Variants in YIPF6 observed in about 807,000 individuals in gnomAD.
The protein encoded by YIPF6 is protein YIPF6.
A neutral mutation model predicts 16.8 loss-of-function variants in YIPF6; 3 were observed. That is an observed-to-expected ratio of 0.18 (90% confidence interval 0.08 to 0.46). The LOEUF (loss-of-function observed/expected upper bound fraction) is 0.46. Ranked by LOEUF, YIPF6 falls within the 20% of genes least tolerant of loss-of-function variation. YIPF6 has a pLI of 0.98. For missense variants in YIPF6, 145 were observed against 184.9 expected (o/e 0.78, Z 1.25); for synonymous variants, 67 against 61.9 (o/e 1.08, Z -0.38).
At chrX:68,521,006 A>G (rs935484487) in intron 4 of YIPF6, among the ~76,000 whole-genome samples, 1 of 111,716 alleles carries the variant, frequency 9.0e-6, no homozygotes, top group African/African-American at 3.3e-5. Flanking sequence ...ATGTGAAATA[A>G]AATAGTGTCA....
chrX:68,523,173 A>G (rs1455408116), intron 6 of YIPF6, among the ~76,000 whole-genome samples: 2 of 110,238 alleles, frequency 1.8e-5, no homozygotes, highest in African/African-American at 3.3e-5. Context: ...AGTGGATTAC[A>G]CTACATTTAG....
rs1370586248 is a variant in YIPF6, at chrX:68,537,186, A to C, written c.*5187A>C. The C allele has an allele frequency of 8.9e-6, 1 of 111,996 alleles. No homozygotes were observed. The highest frequency in any genetic ancestry group is 1.9e-5 in the Non-Finnish European group (1 of 53,248). The allele number at this position is 111,996 out of a possible 1,213,427, so 9.2% of individuals were successfully genotyped here. A position where few individuals can be genotyped will look rare whatever the true frequency, so the allele number is the denominator to read the frequency against. ...ATTTCTTGGTCCTTTTCAATACTCC[A>C]TTTTAATCTTGATTTTTTTCTATAA... On this transcript the variant is annotated 3_prime_UTR_variant, in exon 7 of 7. Coordinates refer to ENST00000462683, the MANE Select transcript of YIPF6 (RefSeq NM_173834.4).
In YIPF6 at chrX:68,536,392, G is replaced by A. The variant is rs1279307815; in HGVS notation, c.*4393G>A. On this transcript the variant is annotated 3_prime_UTR_variant, in exon 7 of 7. Transcript: ENST00000462683. The stretch of plus-strand genomic sequence containing the variant: ...GAGGCACTGAGAGGTTAAGTAAATT[G>A]CCCACGGTCACACAGTAATTTGATT... 1 of 111,360 alleles carries A rather than the reference G, an allele frequency of 9.0e-6. No individual in the cohort carries two copies. The highest frequency in any genetic ancestry group is 1.9e-5 in the Non-Finnish European group (1 of 53,086). The allele number at this position is 111,360 out of a possible 1,213,427, so 9.2% of individuals were successfully genotyped here.
At chrX:68,515,876 C>T (rs927604286) in intron 3 of YIPF6, among the ~76,000 whole-genome samples, 5 of 111,691 alleles carry the variant, frequency 4.5e-5, no homozygotes, top group Admixed American at 1.9e-4. Flanking sequence ...CTAATCCCAG[C>T]GCTTTGGCAG....
intron 5 of YIPF6, among the ~76,000 whole-genome samples, chrX:68,522,311 T>C (rs1243900636): frequency 9.1e-6 from 1 of 109,376 alleles, no homozygotes; most frequent in Non-Finnish European, 1.9e-5. Context: ...TAATTTTTTT[T>C]TTTTTTGAGA....
chrX:68,517,144 G>T (rs2079106155), intron 3 of YIPF6, among the ~76,000 whole-genome samples: 2 of 104,327 alleles, frequency 1.9e-5, no homozygotes, highest in Admixed American at 2.1e-4. Flanking sequence ...AGCTGTTTTT[G>T]TTTGTTTGTT....
chrX:68,514,786 T>G (rs1039145928), intron 3 of YIPF6: 3 of 112,869 alleles, frequency 2.7e-5, no homozygotes, highest in African/African-American at 9.6e-5. Flanking sequence ...AGTTTGATTT[T>G]CAAGCCTATC....
intron 6 of YIPF6, among the ~76,000 whole-genome samples, chrX:68,530,625 G>A (rs1213673675): frequency 1.8e-5 from 2 of 111,188 alleles, no homozygotes; most frequent in African/African-American, 3.3e-5. Context: ...CCTGGTGTGC[G>A]GGTTGTGAAG....
Position 68,519,381 on chromosome X carries a change from A to G in YIPF6, c.308+569A>G, listed in dbSNP as rs188796441. Reference sequence around the variant, plus strand: ...TCGCATTCTGACTCTGCTGTCAGCTAGCTATGTGACTTTGGGCTACTAATA... The same window carrying G: ...TCGCATTCTGACTCTGCTGTCAGCTGGCTATGTGACTTTGGGCTACTAATA... On this transcript the variant is annotated intron_variant, in intron 4 of 6. Transcript: ENST00000462683. Among the ~76,000 whole-genome samples, 232 of 112,087 alleles carry G rather than the reference A, an allele frequency of 2.1e-3. 2 individuals are homozygous for G. Among genetic ancestry groups the G allele is most frequent in the African/African-American group, 7.2e-3 (222 of 30,941 alleles).
At chrX:68,510,480 C>T (rs1275127373) in intron 1 of YIPF6, among the ~76,000 whole-genome samples, 8 of 109,471 alleles carry the variant, frequency 7.3e-5, no homozygotes, top group Non-Finnish European at 1.5e-4. Flanking sequence ...CTATAAGAAA[C>T]CTTTAAAAAA....
chrX:68,513,258 T>G, intron 2 of YIPF6, 69 bp from the exon 3 acceptor site: 1 of 895,226 alleles, frequency 1.1e-6, no homozygotes, highest in Non-Finnish European at 1.6e-6. Context: ...GAAAGAAATT[T>G]TAGCAAATTA....
chrX:68,510,283 C>T (rs911279234), intron 1 of YIPF6, among the ~76,000 whole-genome samples: 10 of 111,523 alleles, frequency 9.0e-5, no homozygotes, highest in African/African-American at 2.9e-4. Flanking sequence ...GTGTTTATTT[C>T]AATACATGGT....
Position 68,511,942 on chromosome X carries a change from A to G in YIPF6, c.151A>G (p.Ser51Gly). 1 of 1,210,253 alleles carries G rather than the reference A, an allele frequency of 8.3e-7. No homozygotes were observed. Among genetic ancestry groups the G allele is most frequent in the Non-Finnish European group, 1.1e-6 (1 of 895,125 alleles). Residue 51 changes from serine (S) to glycine (G), a missense_variant, in exon 2 of 7, where the codon AGC becomes GGC. Coordinates refer to ENST00000462683, the MANE Select transcript of YIPF6 (RefSeq NM_173834.4). ...GAGATCTCGCATCCGGGAGTTTGAC[A>G]GCTCCACATTAAATGAATCTGTTCG... ...PMRSRIREFD[S>G]STLNESVRNT...
At position 68,535,145 on chromosome X, in the gene YIPF6, C is replaced by G. The variant is rs6525242; in HGVS notation, c.*3146C>G. 35,864 of 111,629 alleles carry G rather than the reference C, an allele frequency of 0.32. 8,334 individuals carry two copies. The highest frequency in any genetic ancestry group is 0.83 in the African/African-American group (25,506 of 30,643). 9.2% of individuals were successfully genotyped at this position (111,629 alleles called of 1,213,427 possible). On this transcript the variant is annotated 3_prime_UTR_variant, in exon 7 of 7. Coordinates refer to ENST00000462683, the MANE Select transcript of YIPF6 (RefSeq NM_173834.4). ...GAGGTTTATTACATGAGTTGATTTT[C>G]ATATTTTCATTTTGGTGGGGTTTTC...
chrX:68,506,764 C>T (rs1335523631), intron 1 of YIPF6, among the ~76,000 whole-genome samples: 1 of 110,617 alleles, frequency 9.0e-6, no homozygotes, highest in Non-Finnish European at 1.9e-5. Flanking sequence ...TTTAGAGTTG[C>T]CTTCTTGCTA....
intron 3 of YIPF6, among the ~76,000 whole-genome samples, chrX:68,515,823 C>A (rs968156545): frequency 9.0e-6 from 1 of 111,273 alleles, no homozygotes; most frequent in African/African-American, 3.3e-5. Flanking sequence ...CCATGCCCAG[C>A]TAATTTTTAA....
At chrX:68,511,601 G>A (rs1195952816) in intron 1 of YIPF6, among the ~76,000 whole-genome samples, 2 of 112,093 alleles carry the variant, frequency 1.8e-5, no homozygotes, top group Non-Finnish European at 3.8e-5. Context: ...AAGATTTTAT[G>A]CTAAATGTTG....
chrX:68,507,191 T>G (rs1409452206), intron 1 of YIPF6, among the ~76,000 whole-genome samples: 1 of 111,886 alleles, frequency 8.9e-6, no homozygotes, highest in Non-Finnish European at 1.9e-5. Flanking sequence ...AAACCTGAAA[T>G]ATTTACTGTT....
In YIPF6 at chrX:68,536,689, G is replaced by A. The variant is rs1181264787; in HGVS notation, c.*4690G>A. 2 of 111,817 alleles carry A rather than the reference G, an allele frequency of 1.8e-5. No homozygotes were observed. 9.2% of individuals were successfully genotyped at this position (111,817 alleles called of 1,213,427 possible). A position where few individuals can be genotyped will look rare whatever the true frequency, so the allele number is the denominator to read the frequency against. On this transcript the variant is annotated 3_prime_UTR_variant, in exon 7 of 7. Transcript: ENST00000462683. ...TTTGTTTTCAGAGTAATGGAACACT[G>A]TATCAGCAGCATCTGAGAACATAAG...
Sources: allele counts gnomAD v4.1 joint callset (sites outside exome capture counted in the v4.1 genomes callset), GRCh38; gene constraint gnomAD v4.1.1; transcripts MANE v1.5; gene names NCBI Gene and HGNC (gene_info 2026-07-23, HGNC 2026-07-21).